MMP24: variants seen among roughly 807,000 people sequenced by gnomAD.
The protein encoded by MMP24 is matrix metalloproteinase-24.
In MMP24, 25 loss-of-function variants were observed where a neutral mutation model predicts 62.8. That is an observed-to-expected ratio of 0.40 (90% CI 0.29 to 0.56). The LOEUF (loss-of-function observed/expected upper bound fraction) is 0.56. MMP24 is among the 20% of genes least tolerant of loss of function. The probability of loss-of-function intolerance (pLI) is 0.50; values close to 1 mark genes in which losing one functional copy is unlikely to be tolerated. For synonymous variants in MMP24, 319 were observed against 350.5 expected, an observed-to-expected ratio of 0.91 and a Z score of 1.00; for missense variants, 634 against 853.6, an observed-to-expected ratio of 0.74 and a Z score of 3.21.
rs535552101 is a variant in MMP24 at position 35,264,361 on chromosome 20, G to A, written c.979+409G>A. On this transcript the variant is annotated intron_variant, in intron 5 of 8. Transcript: ENST00000246186. ...TCTGCAGGAGTAACGGTGATACAGC[G>A]TGATGGGGACTATAACCAGAGCTTT... Among the ~76,000 whole-genome samples the A allele has an allele frequency of 3.3e-5, 5 of 152,194 alleles. No individual in the cohort carries two copies. In the South Asian group the frequency reaches 6.2e-4, roughly 19 times the overall value.
intron 1 of MMP24, among the ~76,000 whole-genome samples, chr20:35,246,021 T>C (rs948356044): frequency 6.6e-6 from 1 of 152,092 alleles, no homozygotes; most frequent in Non-Finnish European, 1.5e-5. Context: ...CCTTGCTTTT[T>C]TGGGGGGTAG....
In MMP24 at chr20:35,275,303, G is replaced by A. The variant is rs2060697703; in HGVS notation, c.*694G>A. On this transcript the variant is annotated 3_prime_UTR_variant, in exon 9 of 9. Transcript: ENST00000246186. ...CACATCGTGAATATTTAAATGTCCT[G>A]TCACTACTGTCCCATTTTGCAAAGG... is the stretch of plus-strand genomic sequence containing the variant. 6.6e-6 allele frequency: 1 copy of A among 152,464 alleles called. No homozygotes were observed. The highest frequency in any genetic ancestry group is 2.4e-5 in the African/African-American group (1 of 41,418). 9.4% of individuals were successfully genotyped at this position (152,464 alleles called of 1,614,324 possible). A position where few individuals can be genotyped will look rare whatever the true frequency, so the allele number is the denominator to read the frequency against.
At position 35,247,568 on chromosome 20, in the gene MMP24, T is replaced by G. The variant is rs116834330; in HGVS notation, c.395+580T>G. Among the ~76,000 whole-genome samples, 1,026 of 152,178 alleles carry G rather than the reference T, an allele frequency of 6.7e-3. 17 individuals carry two copies. Among genetic ancestry groups the G allele is most frequent in the African/African-American group, 0.023 (955 of 41,496 alleles). On this transcript the variant is annotated intron_variant, in intron 2 of 8. Transcript: ENST00000246186. The stretch of plus-strand genomic sequence containing the variant: ...ACACTTAGGAGGTAGAAAAAAGCCA[T>G]GAGGATGGTCCCAATCACTCAAGGA...
chr20:35,229,084 C>A (rs1404820017), intron 1 of MMP24, among the ~76,000 whole-genome samples: 1 of 152,158 alleles, frequency 6.6e-6, no homozygotes, highest in Non-Finnish European at 1.5e-5. Context: ...AACACAACAC[C>A]CTGTATGTGG....
At position 35,274,859 on chromosome 20, in the gene MMP24, G is replaced by A. The variant is rs1266789710; in HGVS notation, c.*250G>A. 1 of 536,502 alleles carries A rather than the reference G, an allele frequency of 1.9e-6. No individual in the cohort carries two copies. The highest frequency in any genetic ancestry group is 3.2e-5 in the East Asian group (1 of 31,266). The allele number at this position is 536,502 out of a possible 1,614,324, so 33.2% of individuals were successfully genotyped here. Reference sequence around the variant, plus strand: ...CCTGGGCAAACTACTCCCTACTTAAGGGAATAGGCCAGGCTCCATCCGGAG... The same window carrying A: ...CCTGGGCAAACTACTCCCTACTTAAAGGAATAGGCCAGGCTCCATCCGGAG... On this transcript the variant is annotated 3_prime_UTR_variant, in exon 9 of 9. Transcript: ENST00000246186. The surrounding 1 kb of genome is among the most constrained non-coding windows in gnomAD (Gnocchi z 5.1).
chr20:35,236,771 C>T (rs1180108786), intron 1 of MMP24, among the ~76,000 whole-genome samples: 2 of 152,006 alleles, frequency 1.3e-5, no homozygotes, highest in African/African-American at 2.4e-5. Flanking sequence ...ATCAGGAGTT[C>T]GAGACCAGCC....
Position 35,269,014 on chromosome 20 carries a change from G to A in MMP24, c.1195-746G>A, listed in dbSNP as rs1315978211. Among the ~76,000 whole-genome samples the A allele has an allele frequency of 4.9e-5, 7 of 141,846 alleles. No homozygotes were observed. Among genetic ancestry groups the A allele is most frequent in the Admixed American group, 2.1e-4 (3 of 14,216 alleles). 93.1% of individuals were successfully genotyped at this position (141,846 alleles called of 152,430 possible). A position where few individuals can be genotyped will look rare whatever the true frequency, so the allele number is the denominator to read the frequency against. ...TGCACTCCAGCCTGGGTGACAGAGC[G>A]AGACTCCATCTAAAAAAAAAAAAAA... On this transcript the variant is annotated intron_variant, in intron 6 of 8. Transcript: ENST00000246186. This position sits in a 1 kb window ranked among gnomAD's most constrained non-coding sequence, Gnocchi z 4.6.
intron 1 of MMP24, among the ~76,000 whole-genome samples, chr20:35,228,863 A>G (rs949848991): frequency 2.6e-5 from 4 of 152,084 alleles, no homozygotes; most frequent in Non-Finnish European, 5.9e-5. Flanking sequence ...CCTAATTTTC[A>G]ATAGATGTCA....
chr20:35,238,304 G>A (rs543776023), intron 1 of MMP24, among the ~76,000 whole-genome samples: 7 of 152,282 alleles, frequency 4.6e-5, no homozygotes, highest in African/African-American at 1.7e-4. Flanking sequence ...ATGATGAGGA[G>A]GACATATATG....
At chr20:35,227,249 T>C (rs1377149388) in intron 1 of MMP24, among the ~76,000 whole-genome samples, 1 of 151,028 alleles carries the variant, frequency 6.6e-6, no homozygotes, top group Non-Finnish European at 1.5e-5. Context: ...GTCGGGTTTG[T>C]TGTGTTGGCA....
intron 1 of MMP24, 85 bp from the exon 2 acceptor site, chr20:35,246,755 C>A: frequency 6.7e-7 from 1 of 1,490,430 alleles, no homozygotes; most frequent in Non-Finnish European, 9.3e-7. Flanking sequence ...GTCAAATGAT[C>A]CCTCGTGTTC....
intron 3 of MMP24, among the ~76,000 whole-genome samples, chr20:35,253,822 A>G (rs1362852462): frequency 6.6e-6 from 1 of 151,872 alleles, no homozygotes; most frequent in South Asian, 2.1e-4. Flanking sequence ...CGTATTAGGG[A>G]AAAAAACTTA....
At chr20:35,228,178 C>T (rs140023782) in intron 1 of MMP24, among the ~76,000 whole-genome samples, 16 of 152,252 alleles carry the variant, frequency 1.1e-4, no homozygotes, top group Non-Finnish European at 1.6e-4. Context: ...GGGGGTCATA[C>T]GTGCACTGAA....
chr20:35,237,195 T>C (rs768166958), intron 1 of MMP24, among the ~76,000 whole-genome samples: 4 of 152,148 alleles, frequency 2.6e-5, no homozygotes, highest in Non-Finnish European at 4.4e-5. Context: ...ACAGACTTGT[T>C]TTCTTACATT....
chr20:35,238,506 G>T (rs1600775083), intron 1 of MMP24, among the ~76,000 whole-genome samples: 2 of 152,178 alleles, frequency 1.3e-5, no homozygotes, highest in South Asian at 4.1e-4. Context: ...AACAATACGT[G>T]TAAGGGCCTG....
At chr20:35,254,071 G>C (rs960030353) in intron 3 of MMP24, among the ~76,000 whole-genome samples, 1 of 152,126 alleles carries the variant, frequency 6.6e-6, no homozygotes, top group African/African-American at 2.4e-5. Flanking sequence ...GTTTCACCAT[G>C]TTGGTCAGGC....
rs1210180778 is a variant in MMP24 at position 35,274,327 on chromosome 20, G to A, written c.1656G>A (p.Leu552=). 2.5e-6 allele frequency: 4 copies of A among 1,613,648 alleles called. No individual in the cohort carries two copies. The South Asian group carries it at 4.4e-5, about 18-fold the overall frequency. ...RDYWKFDNQK[L]SVEPGYPRNI... ...ACTGGAAGTTTGACAACCAGAAACT[G>A]AGCGTGGAGCCAGGCTACCCGCGCA... is the stretch of plus-strand genomic sequence containing the variant. Residue 552 remains leucine, a synonymous_variant, in exon 9 of 9, where the codon CTG becomes CTA. Transcript: ENST00000246186. The surrounding 1 kb of genome is among the most constrained non-coding windows in gnomAD (Gnocchi z 5.1).
In MMP24 at chr20:35,274,742, T is replaced by C; in HGVS notation, c.*133T>C. ...GGCTGGGGTCGTACAGCTGAAGTGG[T>C]GGGTGCATTGGCCTAGGCTGAGCGT... On this transcript the variant is annotated 3_prime_UTR_variant, in exon 9 of 9. Transcript: ENST00000246186. The surrounding 1 kb of genome is among the most constrained non-coding windows in gnomAD (Gnocchi z 5.1). 1 of 785,762 alleles carries C rather than the reference T, an allele frequency of 1.3e-6. No individual in the cohort carries two copies. The highest frequency in any genetic ancestry group is 2.9e-5 in the Admixed American group (1 of 34,424). The allele number at this position is 785,762 out of a possible 1,614,324, so 48.7% of individuals were successfully genotyped here.
chr20:35,240,968 A>C (rs1428558133), intron 1 of MMP24, among the ~76,000 whole-genome samples: 1 of 152,220 alleles, frequency 6.6e-6, no homozygotes, highest in African/African-American at 2.4e-5. Context: ...TGCAGGAGTA[A>C]AGAGGGCACC....
Sources: gnomAD v4.1 joint callset for allele counts (sites outside exome capture counted in the v4.1 genomes callset) on GRCh38, gnomAD v4.1.1 for gene constraint, Gnocchi (gnomAD v3.1) non-coding constraint, MANE v1.5 for transcripts, NCBI Gene and HGNC (gene_info 2026-07-23, HGNC 2026-07-21) for gene names.